Variants in BZW2 observed in about 807,000 individuals in gnomAD.
The protein encoded by BZW2 is eIF5-mimic protein 1.
A neutral mutation model predicts 53.2 loss-of-function variants in BZW2; 23 were observed. The ratio of observed to expected loss-of-function variants is 0.43; its 90% CI spans 0.31 to 0.61. BZW2 has a LOEUF of 0.61. BZW2 is among the 20% of genes least tolerant of loss of function. BZW2 has a pLI of 0.09. For missense variants in BZW2, 409 were observed against 503.1 expected (o/e 0.81, Z 1.79); for synonymous variants, 227 against 186.4 (o/e 1.22, Z -1.77).
Position 16,668,892 on chromosome 7 carries a change from T to C in BZW2, c.58+3391T>C, listed in dbSNP as rs536574455. Among the ~76,000 whole-genome samples, 36 of 152,382 alleles carry C rather than the reference T, an allele frequency of 2.4e-4. No homozygotes were observed. In the East Asian group the frequency reaches 6.4e-3, roughly 27 times the overall value. On this transcript the variant is annotated intron_variant, in intron 2 of 11. Coordinates refer to ENST00000258761, the MANE Select transcript of BZW2 (RefSeq NM_014038.3). ...TATGATATATTCTCCAAAGTAATTATGTTTTTTCCTGTGACTTGTGAAAAT... is the reference window on the plus strand; with the variant it reads ...TATGATATATTCTCCAAAGTAATTACGTTTTTTCCTGTGACTTGTGAAAAT...
In BZW2 at chr7:16,694,931, A is replaced by C; in HGVS notation, c.749A>C (p.Gln250Pro). The C allele has an allele frequency of 6.3e-7, 1 of 1,598,698 alleles. No homozygotes were observed. The highest frequency in any genetic ancestry group is 8.6e-7 in the Non-Finnish European group (1 of 1,167,934). ...KELSDFLRVQ[Q>P]SLGTRKELQK... ...CTTTCCGACTTCCTCCGAGTCCAGC[A>C]GTCCCTGGGCACCAGGAAGGAACTG... The change falls in exon 8 of 12, where the codon CAG becomes CCG. Residue 250 changes from glutamine to proline, a missense_variant. This residue lies in a region of BZW2 where 316 missense variants were observed against 366.8 expected (regional missense o/e 0.86). Transcript: ENST00000258761.
At chr7:16,653,109 C>T (rs1160294065) in intron 1 of BZW2, among the ~76,000 whole-genome samples, 3 of 152,094 alleles carry the variant, frequency 2.0e-5, no homozygotes, top group Non-Finnish European at 2.9e-5. Context: ...AGGTCCCCTT[C>T]TGGGAGGATG....
chr7:16,696,547 T>A (rs1207645498), intron 8 of BZW2, among the ~76,000 whole-genome samples: 1 of 151,526 alleles, frequency 6.6e-6, no homozygotes, highest in Non-Finnish European at 1.5e-5. Context: ...AGGGATGGGA[T>A]AAAAGTTCAC....
intron 1 of BZW2, among the ~76,000 whole-genome samples, chr7:16,652,195 T>C (rs1214540316): frequency 6.6e-6 from 1 of 152,184 alleles, no homozygotes; most frequent in African/African-American, 2.4e-5. Context: ...GGACTGGGCT[T>C]ACATCCATGG....
intron 2 of BZW2, among the ~76,000 whole-genome samples, chr7:16,674,065 A>AT (rs1480930720): frequency 6.6e-6 from 1 of 151,942 alleles, no homozygotes; most frequent in East Asian, 1.9e-4. Flanking sequence ...TGCCCAGCTA[A>AT]TTTTTTATAT....
In BZW2 at chr7:16,682,755, TA is replaced by T. The variant is rs904374907; in HGVS notation, c.340-24del. 4 of 1,489,452 alleles carry T rather than the reference TA, an allele frequency of 2.7e-6. 1 individual carries two copies. 92.3% of individuals were successfully genotyped at this position (1,489,452 alleles called of 1,614,324 possible). On this transcript the variant is annotated intron_variant, in intron 4 of 11. Coordinates refer to ENST00000258761, the MANE Select transcript of BZW2 (RefSeq NM_014038.3). ...TTCTGTGTCTTTTTGGTTGACCTAA[TA>T]TTTAATGGTTGTTTTTTTTTTAGGT...
Position 16,694,922 on chromosome 7 carries a change from G to A in BZW2, c.740G>A (p.Arg247Gln), listed in dbSNP as rs1357855982. The A allele has an allele frequency of 5.0e-6, 8 of 1,596,904 alleles. No homozygotes were observed. Among genetic ancestry groups the A allele is most frequent in the South Asian group, 1.1e-5 (1 of 89,738 alleles). Residue 247 changes from arginine (R) to glutamine (Q), a missense_variant, in exon 8 of 12, where the codon CGA (arginine) becomes CAA (glutamine). Arg to Gln is a conservative substitution (Grantham distance 43). This residue lies in a region of BZW2 where 316 missense variants were observed against 366.8 expected (regional missense o/e 0.86). Transcript: ENST00000258761. ...AGLKELSDFL[R>Q]VQQSLGTRKE... is the part of the protein sequence containing the mutation. ...CTTAAGGAGCTTTCCGACTTCCTCC[G>A]AGTCCAGCAGTCCCTGGGCACCAGG...
intron 2 of BZW2, among the ~76,000 whole-genome samples, chr7:16,674,088 C>T (rs1306987066): frequency 1.3e-5 from 2 of 152,010 alleles, no homozygotes; most frequent in Admixed American, 6.6e-5. Flanking sequence ...TTAATAGAGA[C>T]GGAGTTTCAT....
intron 1 of BZW2, among the ~76,000 whole-genome samples, chr7:16,647,537 A>G (rs1030453869): frequency 1.9e-4 from 29 of 152,330 alleles, no homozygotes; most frequent in African/African-American, 6.7e-4. Context: ...AAGCTTCAGC[A>G]TTAAAGACTG....
At chr7:16,651,659 A>G (rs909996392) in intron 1 of BZW2, among the ~76,000 whole-genome samples, 14 of 152,214 alleles carry the variant, frequency 9.2e-5, no homozygotes, top group Non-Finnish European at 1.8e-4. Flanking sequence ...TGCAGGAAAC[A>G]ATTTAAAAAC....
intron 8 of BZW2, among the ~76,000 whole-genome samples, chr7:16,696,685 C>T (rs1783502203): frequency 6.6e-6 from 1 of 152,116 alleles, no homozygotes; most frequent in Non-Finnish European, 1.5e-5. Context: ...TCCAGCAGCT[C>T]CTGGCCAGAG....
chr7:16,654,521 C>A (rs200294016), intron 1 of BZW2, among the ~76,000 whole-genome samples: 1,038 of 85,154 alleles, frequency 0.012, 22 homozygotes, highest in African/African-American at 0.038. Flanking sequence ...CCCCCCCCCC[C>A]AAAAAAAAAC....
intron 7 of BZW2, 115 bp from the exon 8 acceptor site, chr7:16,694,719 C>G: frequency 1.1e-6 from 1 of 884,136 alleles, no homozygotes; most frequent in East Asian, 2.6e-5. Flanking sequence ...GTAAAACAGT[C>G]TTTATTCTTT....
intron 10 of BZW2, among the ~76,000 whole-genome samples, chr7:16,703,234 A>G (rs1013158478): frequency 3.3e-5 from 5 of 152,220 alleles, no homozygotes; most frequent in Admixed American, 2.0e-4. Context: ...TCCAGGCTCT[A>G]TAAGTAAATC....
At position 16,663,054 on chromosome 7, in the gene BZW2, C is replaced by T. The variant is rs138842982; in HGVS notation, c.-7-2383C>T. Among the ~76,000 whole-genome samples, 403 of 152,268 alleles carry T rather than the reference C, an allele frequency of 2.6e-3. 1 individual carries two copies. The highest frequency in any genetic ancestry group is 9.3e-3 in the African/African-American group (386 of 41,562). Reference sequence around the variant, plus strand: ...AAGTATTGGCTGATTCAGAGTGAATCTGTTTATAATGCCAGCAGGAAAGTT... The same window carrying T: ...AAGTATTGGCTGATTCAGAGTGAATTTGTTTATAATGCCAGCAGGAAAGTT... On this transcript the variant is annotated intron_variant, in intron 1 of 11. Transcript: ENST00000258761.
chr7:16,650,242 A>T (rs1781952107), intron 1 of BZW2, among the ~76,000 whole-genome samples: 1 of 152,240 alleles, frequency 6.6e-6, no homozygotes, highest in Non-Finnish European at 1.5e-5. Context: ...GAACAAATTG[A>T]TGAATATCTT....
intron 1 of BZW2, among the ~76,000 whole-genome samples, chr7:16,649,164 A>G (rs920558922): frequency 8.5e-5 from 13 of 152,048 alleles, no homozygotes; most frequent in African/African-American, 3.1e-4. Flanking sequence ...TTCTCATCGC[A>G]TTCTATTATA....
At chr7:16,678,112 T>TTTTA (rs1554266839) in intron 3 of BZW2, among the ~76,000 whole-genome samples, 11 of 143,738 alleles carry the variant, frequency 7.7e-5, no homozygotes, top group African/African-American at 3.0e-4. Flanking sequence ...TTTTTTTTTT[T>TTTTA]AATGCTGTCG....
Position 16,661,968 on chromosome 7 carries a change from G to C in BZW2, c.-7-3469G>C, listed in dbSNP as rs578000350. Among the ~76,000 whole-genome samples, 33 of 152,254 alleles carry C rather than the reference G, an allele frequency of 2.2e-4. 1 individual carries two copies. The highest frequency in any genetic ancestry group is 7.9e-4 in the African/African-American group (33 of 41,552). ...AGATTTGAAAATACATTGTAGGGCA[G>C]TGTACTAACAGCCTTTGACATTGGC... is the stretch of plus-strand genomic sequence containing the variant. On this transcript the variant is annotated intron_variant, in intron 1 of 11. Coordinates refer to ENST00000258761, the MANE Select transcript of BZW2 (RefSeq NM_014038.3).
Sources: gnomAD v4.1 joint callset for allele counts (sites outside exome capture counted in the v4.1 genomes callset) on GRCh38, gnomAD v4.1.1 for gene constraint, gnomAD v4.1.1 regional missense constraint, MANE v1.5 for transcripts, NCBI Gene and HGNC (gene_info 2026-07-23, HGNC 2026-07-21) for gene names.